Variants in PCDHGA3 observed in about 807,000 individuals in gnomAD.
PCDHGA3 encodes protocadherin gamma subfamily A, 3.
PCDHGA3 carries 40 observed loss-of-function variants against 58.5 expected under a neutral mutation model. The observed-to-expected ratio is 0.68, with a 90% CI of 0.53 to 0.89. The LOEUF is 0.89. Among genes scored for constraint, PCDHGA3 ranks in the 40% least tolerant of loss-of-function variants. The pLI, the probability that PCDHGA3 is intolerant of heterozygous loss-of-function variation, is 0.00. For missense variants in PCDHGA3, 1,223 were observed against 1,195.9 expected (o/e 1.02, Z -0.33); for synonymous variants, 530 against 525.7 (o/e 1.01, Z -0.11).
intron 1 of PCDHGA3, chr5:141,471,535 T>C (rs553186728): frequency 6.6e-6 from 1 of 152,368 alleles, no homozygotes; most frequent in African/African-American, 2.4e-5. Context: ...GAAGCTATGA[T>C]AGCATTTAAG....
chr5:141,433,042 G>C (rs752612411), intron 1 of PCDHGA3: 6 of 1,614,142 alleles, frequency 3.7e-6, no homozygotes, highest in Non-Finnish European at 5.1e-6. Flanking sequence ...CCCTCACCAC[G>C]GACTCGCGGA....
Position 141,477,468 on chromosome 5 carries a change from A to G in PCDHGA3, c.2425-17339A>G. ...GTGCGTGTTCAAGTGTCCGACATCA[A>G]TGACAACCCTCCACAATCTTCTCAA... is the stretch of plus-strand genomic sequence containing the variant. On this transcript the variant is annotated intron_variant, in intron 1 of 3. Transcript: ENST00000253812. This position sits in a 1 kb window ranked among gnomAD's most constrained non-coding sequence, Gnocchi z 4.9. 6.2e-7 allele frequency: 1 copy of G among 1,614,158 alleles called. No homozygotes were observed. Among genetic ancestry groups the G allele is most frequent in the Non-Finnish European group, 8.5e-7 (1 of 1,180,022 alleles).
intron 1 of PCDHGA3, chr5:141,392,630 C>T (rs1431794812): frequency 1.7e-6 from 1 of 602,802 alleles, no homozygotes; most frequent in African/African-American, 1.9e-5. Context: ...ACACTCAGAT[C>T]TCACACCTCA....
In PCDHGA3 at chr5:141,502,866, C is replaced by CTTTTTTTTTTTT. The variant is rs549047197; in HGVS notation, c.2484-2524_2484-2513dup. 2.4e-4 allele frequency among the ~76,000 whole-genome samples: 31 copies of CTTTTTTTTTTTT among 128,008 alleles called. 3 individuals are homozygous for CTTTTTTTTTTTT. Among genetic ancestry groups the CTTTTTTTTTTTT allele is most frequent in the African/African-American group, 3.4e-4 (11 of 32,350 alleles). 84.0% of individuals were successfully genotyped at this position (128,008 alleles called of 152,430 possible). ...GAGCTGCCTAACCCTGACTCTCTGT[C>CTTTTTTTTTTTT]TTTTTTTTTTTTTTGACAGGGAGTC... is the stretch of plus-strand genomic sequence containing the variant. On this transcript the variant is annotated intron_variant, in intron 2 of 3. Transcript: ENST00000253812.
intron 1 of PCDHGA3, among the ~76,000 whole-genome samples, chr5:141,434,448 G>A (rs2097694852): frequency 6.6e-6 from 1 of 152,210 alleles, no homozygotes; most frequent in Non-Finnish European, 1.5e-5. Context: ...CATGCTGGAA[G>A]GTAGTGGGTT....
chr5:141,362,333 C>G, intron 1 of PCDHGA3: 1 of 1,614,070 alleles, frequency 6.2e-7, no homozygotes, highest in Non-Finnish European at 8.5e-7. Context: ...GGTCTCAGCT[C>G]CAAGCCTGGA....
chr5:141,389,223 G>C lies in PCDHGA3; in HGVS notation c.2424+42766G>C, dbSNP rs570029585. 4 of 1,613,876 alleles carry C rather than the reference G, an allele frequency of 2.5e-6. No individual in the cohort carries two copies. Among genetic ancestry groups the C allele is most frequent in the South Asian group, 2.2e-5 (2 of 91,090 alleles). Reference sequence around the variant, plus strand: ...GCACATTGGTGATGTAAATGACAACGCTCCGGTTTTCTCACAGTCTTCCTA... The same window carrying C: ...GCACATTGGTGATGTAAATGACAACCCTCCGGTTTTCTCACAGTCTTCCTA... On this transcript the variant is annotated intron_variant, in intron 1 of 3. Coordinates refer to ENST00000253812, the MANE Select transcript of PCDHGA3 (RefSeq NM_018916.4).
At chr5:141,429,445 G>C (rs2097215795) in intron 1 of PCDHGA3, among the ~76,000 whole-genome samples, 1 of 151,758 alleles carries the variant, frequency 6.6e-6, no homozygotes, top group Admixed American at 6.6e-5. Context: ...AAACTCTTGG[G>C]CTACAGTAAT....
In PCDHGA3 at chr5:141,344,308, G is replaced by C; in HGVS notation, c.275G>C (p.Arg92Pro). The C allele has an allele frequency of 1.9e-6, 3 of 1,614,068 alleles. No individual in the cohort carries two copies. The highest frequency in any genetic ancestry group is 2.5e-6 in the Non-Finnish European group (3 of 1,179,926). Residue 92 changes from arginine to proline, a missense_variant, in exon 1 of 4, where the codon CGG (arginine) becomes CCG (proline). Transcript: ENST00000253812. ...GSLVTAERID[R>P]EELCAQIPLC... ...TTGGTCACCGCGGAGAGGATAGACC[G>C]GGAGGAGCTCTGCGCTCAGATCCCG...
In PCDHGA3 at chr5:141,494,850, G is replaced by C. The variant is rs2099757124; in HGVS notation, c.2468G>C (p.Arg823Thr). 1.2e-6 allele frequency: 2 copies of C among 1,614,124 alleles called. No individual in the cohort carries two copies. The highest frequency in any genetic ancestry group is 1.7e-6 in the Non-Finnish European group (2 of 1,180,018). Reference protein sequence around the residue: ...NTDWRFSQAQRPGTSGSQNGD... With the variant: ...NTDWRFSQAQTPGTSGSQNGD... ...GACTGGCGTTTCTCTCAGGCCCAGA[G>C]ACCCGGCACCAGCGGGTAGGTGACT... is the stretch of plus-strand genomic sequence containing the variant. The change falls in exon 2 of 4, where the codon AGA becomes ACA. Residue 823 changes from arginine to threonine, a missense_variant. Physicochemically the swap from Arg to Thr is moderately conservative, Grantham distance 71. This residue lies in a region of PCDHGA3 where 325 missense variants were observed against 327.5 expected (regional missense o/e 0.99). Transcript: ENST00000253812.
intron 1 of PCDHGA3, chr5:141,389,352 AT>A (rs1561624660): frequency 6.2e-7 from 1 of 1,613,628 alleles, no homozygotes; most frequent in African/African-American, 1.3e-5. Context: ...TTACTGCATC[AT>A]GGCCAGTGAC....
At chr5:141,410,821 C>A in intron 1 of PCDHGA3, 1 of 441,370 alleles carries the variant, frequency 2.3e-6, no homozygotes, top group Non-Finnish European at 3.8e-6. Context: ...AAAATAATGT[C>A]ACCAGACTGA....
At chr5:141,382,968 CT>C (rs774014579) in intron 1 of PCDHGA3, 26 of 1,609,208 alleles carry the variant, frequency 1.6e-5, no homozygotes, top group Admixed American at 8.4e-5. Context: ...TGGGGACCCC[CT>C]GGGAAGCCTG....
In PCDHGA3 at chr5:141,372,254, C is replaced by T. The variant is rs776276298; in HGVS notation, c.2424+25797C>T. The T allele has an allele frequency of 2.2e-5, 35 of 1,612,978 alleles. No homozygotes were observed. In the East Asian group the frequency reaches 7.6e-4, roughly 35 times the overall value. On this transcript the variant is annotated intron_variant, in intron 1 of 3. Transcript: ENST00000253812. ...GCGAGCCCGGGCTGTTCAGCCTGGG[C>T]CTGCGCACGGGTGAGGTGCGCACGG...
intron 1 of PCDHGA3, among the ~76,000 whole-genome samples, chr5:141,461,233 G>T (rs2099011336): frequency 6.6e-6 from 1 of 152,028 alleles, no homozygotes; most frequent in East Asian, 1.9e-4. Context: ...CATAGAGGTT[G>T]TACTAATTTA....
intron 1 of PCDHGA3, chr5:141,389,762 A>C (rs778570717): frequency 1.2e-6 from 2 of 1,612,968 alleles, no homozygotes; most frequent in Non-Finnish European, 1.7e-6. Flanking sequence ...AAGTGCGCAC[A>C]GCGCGTGCCT....
intron 1 of PCDHGA3, among the ~76,000 whole-genome samples, chr5:141,463,302 A>T (rs2099056422): frequency 6.6e-6 from 1 of 151,090 alleles, no homozygotes; most frequent in Non-Finnish European, 1.5e-5. Context: ...ATCTCCCCAA[A>T]CTCTAATATC....
At chr5:141,414,773 A>G in intron 1 of PCDHGA3, 1 of 1,614,204 alleles carries the variant, frequency 6.2e-7, no homozygotes, top group Non-Finnish European at 8.5e-7. Flanking sequence ...CATGAGCTAC[A>G]GATGCAGGTG....
intron 1 of PCDHGA3, chr5:141,426,414 G>A (rs2096934345): frequency 3.5e-6 from 1 of 287,986 alleles, no homozygotes; most frequent in Admixed American, 4.4e-5. Context: ...AAACGGTCCA[G>A]GGCTCCGTGG....
Sources: gnomAD v4.1 joint callset for allele counts (sites outside exome capture counted in the v4.1 genomes callset) on GRCh38, gnomAD v4.1.1 for gene constraint, gnomAD v4.1.1 regional missense constraint, Gnocchi (gnomAD v3.1) non-coding constraint, MANE v1.5 for transcripts, NCBI Gene and HGNC (gene_info 2026-07-23, HGNC 2026-07-21) for gene names.